DOCK9: variants seen among roughly 807,000 people sequenced by gnomAD.
DOCK9 encodes the protein dedicator of cytokinesis 9.
In DOCK9, 89 loss-of-function variants were observed where a neutral mutation model predicts 263.3. That is an observed-to-expected ratio of 0.34 (90% confidence interval 0.28 to 0.40). The LOEUF (loss-of-function observed/expected upper bound fraction) is 0.40, where lower values mean the gene tolerates loss of function less well. Ranked by LOEUF, DOCK9 falls within the 10% of genes least tolerant of loss-of-function variation. The pLI, the probability that DOCK9 is intolerant of heterozygous loss-of-function variation, is 1.00. For synonymous variants in DOCK9, 976 were observed against 973.1 expected (o/e 1.00, Z -0.06); for missense variants, 2,140 against 2,603.4 (o/e 0.82, Z 3.87).
At chr13:98,935,056 G>A (rs1014355554) in intron 2 of DOCK9, among the ~76,000 whole-genome samples, 1 of 152,160 alleles carries the variant, frequency 6.6e-6, no homozygotes, top group African/African-American at 2.4e-5. Context: ...AGCACAGGAT[G>A]ATATGAGAGA....
At position 98,921,080 on chromosome 13, in the gene DOCK9, C is replaced by G. The variant is rs1411987475; in HGVS notation, c.591G>C (p.Lys197Asn). ...GTTGAATCAGGTGGAAAAATCGTCT[C>G]TTAAATGACTGAGAGAAAAATATAC... ...SAISVTMRSF[K>N]RRFFHLIQLG... The change falls in exon 7 of 53, where the codon AAG (lysine) becomes AAC (asparagine). Residue 197 changes from lysine (K) to asparagine (N), a missense_variant. Physicochemically the swap from Lys to Asn is moderately conservative, Grantham distance 94. Around this residue, in one of 2 missense-constraint regions of DOCK9, gnomAD observed 1,521 missense variants for 1,741.7 expected, o/e 0.87. Transcript: ENST00000682017. The G allele has an allele frequency of 6.3e-7, 1 of 1,598,110 alleles. No individual in the cohort carries two copies. Among genetic ancestry groups the G allele is most frequent in the Non-Finnish European group, 8.5e-7 (1 of 1,172,252 alleles).
intron 1 of DOCK9, among the ~76,000 whole-genome samples, chr13:98,989,104 C>A (rs1263171573): frequency 6.6e-6 from 1 of 152,120 alleles, no homozygotes; most frequent in Non-Finnish European, 1.5e-5. Flanking sequence ...CTGCAATGTT[C>A]GCCCACCTCT....
intron 1 of DOCK9, among the ~76,000 whole-genome samples, chr13:99,084,622 C>G (rs1304829870): frequency 2.0e-5 from 3 of 152,232 alleles, no homozygotes; most frequent in African/African-American, 7.2e-5. Context: ...TACTGCACAT[C>G]AGCAGTGTTG....
intron 10 of DOCK9, among the ~76,000 whole-genome samples, chr13:98,903,402 GCTA>G (rs2048596405): frequency 6.6e-6 from 1 of 151,972 alleles, no homozygotes; most frequent in East Asian, 1.9e-4. Context: ...GACCATCCTG[GCTA>G]ACCCAGTGAG....
intron 46 of DOCK9, among the ~76,000 whole-genome samples, chr13:98,809,877 AACTGGTGAT>A (rs1378847927): frequency 2.0e-5 from 3 of 152,214 alleles, no homozygotes; most frequent in Non-Finnish European, 4.4e-5. Context: ...GAAAAGGGAC[AACTGGTGAT>A]CACAAAACTC....
At chr13:98,884,277 A>T (rs1264673205) in intron 21 of DOCK9, among the ~76,000 whole-genome samples, 1 of 152,270 alleles carries the variant, frequency 6.6e-6, no homozygotes, top group Admixed American at 6.5e-5. Context: ...GGCCTGGCAC[A>T]GGCAAAGGGT....
intron 1 of DOCK9, among the ~76,000 whole-genome samples, chr13:98,994,373 G>C (rs1416704418): frequency 6.6e-6 from 1 of 152,192 alleles, no homozygotes; most frequent in African/African-American, 2.4e-5. Context: ...CTTGCAGAAG[G>C]GGGGTTGTAC....
intron 27 of DOCK9, among the ~76,000 whole-genome samples, chr13:98,871,341 AAAAG>A (rs1169925739): frequency 6.6e-6 from 1 of 152,204 alleles, no homozygotes; most frequent in East Asian, 1.9e-4. Flanking sequence ...GTTTGTATTA[AAAAG>A]AAAGAATACA....
intron 1 of DOCK9, among the ~76,000 whole-genome samples, chr13:99,064,061 C>A (rs1265700298): frequency 6.6e-6 from 1 of 152,216 alleles, no homozygotes; most frequent in Non-Finnish European, 1.5e-5. Flanking sequence ...TTATCCTCCA[C>A]CTTTTTCTCT....
rs144031717 is a variant in DOCK9, at chr13:98,877,143, G to A, written c.2943+2755C>T. 2.9e-3 allele frequency among the ~76,000 whole-genome samples: 437 copies of A among 152,306 alleles called. 4 individuals carry two copies. The highest frequency in any genetic ancestry group is 0.01 in the African/African-American group (417 of 41,570). On this transcript the variant is annotated intron_variant, in intron 27 of 52. Coordinates refer to ENST00000682017, the MANE Select transcript of DOCK9 (RefSeq NM_001366683.2). ...GCTGGAAATGGCAGCACCTCTAGGA[G>A]AGGCCCACTGGGACTCTGCCACAAG...
At chr13:98,862,925 C>T in intron 32 of DOCK9, 94 bp downstream of exon 32, 1 of 1,043,484 alleles carries the variant, frequency 9.6e-7, no homozygotes, top group Non-Finnish European at 1.4e-6. Context: ...AGAGAATAAA[C>T]TGCTGCTGCT....
intron 37 of DOCK9, chr13:98,846,914 A>G (rs763386330): frequency 3.5e-6 from 1 of 289,476 alleles, no homozygotes; most frequent in Non-Finnish European, 6.7e-6. Context: ...TGTATAGAGC[A>G]GAGCATATCT....
chr13:98,868,347 A>G lies in DOCK9; in HGVS notation c.2974T>C (p.Tyr992His), dbSNP rs1368117364. 1 of 1,613,198 alleles carries G rather than the reference A, an allele frequency of 6.2e-7. No individual in the cohort carries two copies. Among genetic ancestry groups the G allele is most frequent in the Admixed American group, 1.7e-5 (1 of 59,854 alleles). The change falls in exon 28 of 53, where the codon TAT becomes CAT. Residue 992 changes from tyrosine to histidine, a missense_variant. Tyr to His is a moderately conservative substitution (Grantham distance 83). Around this residue, in one of 2 missense-constraint regions of DOCK9, gnomAD observed 1,521 missense variants for 1,741.7 expected, o/e 0.87. Coordinates refer to ENST00000682017, the MANE Select transcript of DOCK9 (RefSeq NM_001366683.2). ...LLRNQRFPAS[Y>H]HHAVETVVNM... ...ACAACGGTTTCCACTGCATGATGATAGGATGCAGGAAATCTCTGGTTTCGC... is the reference window on the plus strand; with the variant it reads ...ACAACGGTTTCCACTGCATGATGATGGGATGCAGGAAATCTCTGGTTTCGC...
At chr13:98,804,866 G>C in intron 49 of DOCK9, 133 bp downstream of exon 49, 2 of 822,596 alleles carry the variant, frequency 2.4e-6, no homozygotes, top group Non-Finnish European at 3.8e-6. Context: ...AGATAAATGT[G>C]AAACTGAAAT....
At chr13:98,881,441 A>C (rs1380814033) in intron 25 of DOCK9, 117 bp downstream of exon 25, 1 of 777,870 alleles carries the variant, frequency 1.3e-6, no homozygotes, top group Non-Finnish European at 2.0e-6. Context: ...GAAATAGAAG[A>C]GAAAGCATAC....
At chr13:99,021,550 A>G (rs1886100758) in intron 1 of DOCK9, among the ~76,000 whole-genome samples, 2 of 151,282 alleles carry the variant, frequency 1.3e-5, no homozygotes, top group Admixed American at 1.3e-4. Flanking sequence ...GAGACAGGAG[A>G]ATGGCGTGAA....
At chr13:99,036,807 G>A (rs1234496147) in intron 1 of DOCK9, among the ~76,000 whole-genome samples, 1 of 152,124 alleles carries the variant, frequency 6.6e-6, no homozygotes, top group Non-Finnish European at 1.5e-5. Context: ...CAAAGTGCTG[G>A]GATTACAGGT....
chr13:98,987,182 A>G (rs145944722), intron 1 of DOCK9, among the ~76,000 whole-genome samples: 5 of 152,248 alleles, frequency 3.3e-5, no homozygotes, highest in African/African-American at 7.2e-5. Flanking sequence ...AAAATTGATT[A>G]AAGTGTCAGG....
At chr13:98,855,507 G>T (rs1427381071) in intron 34 of DOCK9, among the ~76,000 whole-genome samples, 1 of 152,186 alleles carries the variant, frequency 6.6e-6, no homozygotes, top group Non-Finnish European at 1.5e-5. Context: ...AGGAGGCGGA[G>T]GTTGCAGTGA....
Sources: allele counts gnomAD v4.1 joint callset (sites outside exome capture counted in the v4.1 genomes callset), GRCh38; gene constraint gnomAD v4.1.1; regional missense constraint gnomAD v4.1.1; transcripts MANE v1.5; gene names NCBI Gene and HGNC (gene_info 2026-07-23, HGNC 2026-07-21).